PSMA3: variants seen among roughly 807,000 people sequenced by gnomAD.
PSMA3 encodes the protein proteasome 20S subunit alpha 3.
Under a neutral mutation model 40.0 loss-of-function variants are expected in PSMA3, and 8 were observed. The ratio of observed to expected loss-of-function variants is 0.20; its 90% CI spans 0.12 to 0.36. The LOEUF (loss-of-function observed/expected upper bound fraction) is 0.36, where lower values mean the gene tolerates loss of function less well. PSMA3 is among the 10% of genes least tolerant of loss of function. The pLI, the probability that PSMA3 is intolerant of heterozygous loss-of-function variation, is 1.00. For missense variants in PSMA3, 219 were observed against 310.6 expected, an observed-to-expected ratio of 0.70 and a Z score of 2.22; for synonymous variants, 110 against 100.0, an observed-to-expected ratio of 1.10 and a Z score of -0.59.
At chr14:58,271,023 C>T (rs1426942777) in intron 10 of PSMA3, 25 bp downstream of exon 10, 1 of 1,558,240 alleles carries the variant, frequency 6.4e-7, no homozygotes, top group Non-Finnish European at 8.8e-7. Flanking sequence ...AAAAACTTCT[C>T]TTGGCCAGGT....
chr14:58,267,823 T>C (rs1307689797), intron 8 of PSMA3: 1 of 205,656 alleles, frequency 4.9e-6, no homozygotes, highest in Non-Finnish European at 8.9e-6. Flanking sequence ...TCTTAAGTCC[T>C]AATAATAGTA....
Position 58,244,864 on chromosome 14 carries a change from G to A in PSMA3, c.-57G>A, listed in dbSNP as rs931998346. The A allele has an allele frequency of 8.7e-6, 14 of 1,613,740 alleles. No homozygotes were observed. The African/African-American group carries it at 1.9e-4, about 22-fold the overall frequency. On this transcript the variant is annotated 5_prime_UTR_variant, in exon 1 of 11. Transcript: ENST00000216455. ...TGTTACTAGTTTGCGGCATCCTGTGGTATAGGGGAAGCGCTCCGGGCCTGG... is the reference window on the plus strand; with the variant it reads ...TGTTACTAGTTTGCGGCATCCTGTGATATAGGGGAAGCGCTCCGGGCCTGG...
chr14:58,252,631 T>G (rs1890037887), intron 3 of PSMA3, among the ~76,000 whole-genome samples: 1 of 152,164 alleles, frequency 6.6e-6, no homozygotes, highest in Non-Finnish European at 1.5e-5. Flanking sequence ...AAAGGATGTT[T>G]AATGAAAAGG....
At chr14:58,245,165 G>A in intron 1 of PSMA3, 1 of 574,956 alleles carries the variant, frequency 1.7e-6, no homozygotes, top group South Asian at 2.2e-5. Flanking sequence ...AGGTGTAGCC[G>A]GCTTGGCGTC....
At chr14:58,253,819 C>T (rs1258823768) in intron 3 of PSMA3, among the ~76,000 whole-genome samples, 1 of 152,148 alleles carries the variant, frequency 6.6e-6, no homozygotes, top group Non-Finnish European at 1.5e-5. Context: ...GTCTCGGACT[C>T]CTGAACTCCA....
intron 2 of PSMA3, among the ~76,000 whole-genome samples, chr14:58,251,373 C>T (rs940451646): frequency 1.3e-5 from 2 of 152,184 alleles, no homozygotes; most frequent in African/African-American, 4.8e-5. Flanking sequence ...GCAGCCACCA[C>T]CTAACTGGGC....
At chr14:58,267,444 G>A in intron 7 of PSMA3, 30 bp from the exon 8 acceptor site, 2 of 1,495,232 alleles carry the variant, frequency 1.3e-6, no homozygotes, top group Non-Finnish European at 1.8e-6. Flanking sequence ...ATGTTCTTCT[G>A]ATGAACAGTA....
At chr14:58,271,226 A>C (rs1790701562) in intron 10 of PSMA3, among the ~76,000 whole-genome samples, 1 of 149,662 alleles carries the variant, frequency 6.7e-6, no homozygotes, top group South Asian at 2.1e-4. Flanking sequence ...TTTCTAGGTT[A>C]TCTCTAGTGG....
At chr14:58,262,303 G>C (rs564291635) in intron 6 of PSMA3, among the ~76,000 whole-genome samples, 7 of 152,142 alleles carry the variant, frequency 4.6e-5, no homozygotes, top group African/African-American at 1.7e-4. Context: ...CACCTCCCCA[G>C]TTCAAGCAAT....
At chr14:58,270,824 G>T in intron 9 of PSMA3, 110 bp from the exon 10 acceptor site, 1 of 947,896 alleles carries the variant, frequency 1.1e-6, no homozygotes, top group Non-Finnish European at 1.6e-6. Context: ...GTACAACTTT[G>T]CAACCTTAGG....
chr14:58,263,661 A>C (rs759955528), intron 6 of PSMA3, 44 bp from the exon 7 acceptor site: 1 of 1,440,308 alleles, frequency 6.9e-7, no homozygotes, highest in East Asian at 2.3e-5. Context: ...ATTACATATG[A>C]TAGTGTACTA....
chr14:58,262,985 CTTT>C (rs5808966), intron 6 of PSMA3, among the ~76,000 whole-genome samples: 21 of 131,606 alleles, frequency 1.6e-4, no homozygotes, highest in East Asian at 2.1e-4. Flanking sequence ...TGTGTACATC[CTTT>C]TTTTTTTTTT....
At chr14:58,266,490 C>G (rs1307750682) in intron 7 of PSMA3, 11 of 152,294 alleles carry the variant, frequency 7.2e-5, no homozygotes, top group Admixed American at 5.2e-4. Flanking sequence ...CGTCTAATAA[C>G]AAAATCTTGG....
At position 58,257,836 on chromosome 14, in the gene PSMA3, T is replaced by G; in HGVS notation, c.320T>G (p.Ile107Ser). The change falls in exon 4 of 11, where the codon ATT (isoleucine) becomes AGT (serine). Residue 107 changes from isoleucine to serine, a missense_variant. By Grantham distance (142) the Ile-to-Ser change is moderately radical. Transcript: ENST00000216455. ...SNFRSNFGYNIPLKHLADRVA... is the reference protein window; with the variant it reads ...SNFRSNFGYNSPLKHLADRVA... ...TTCAGATCTAACTTTGGCTACAACA[T>G]TCCACTAAAAGTAAGTTGATAACAT... 1 of 1,613,428 alleles carries G rather than the reference T, an allele frequency of 6.2e-7. No individual in the cohort carries two copies. The highest frequency in any genetic ancestry group is 8.5e-7 in the Non-Finnish European group (1 of 1,179,394).
intron 3 of PSMA3, among the ~76,000 whole-genome samples, chr14:58,255,543 C>T (rs1196391819): frequency 7.9e-5 from 12 of 152,116 alleles, no homozygotes; most frequent in African/African-American, 2.7e-4. Context: ...CCAAGGCGGG[C>T]GGATCACCTG....
At chr14:58,264,043 T>C (rs969248110) in intron 7 of PSMA3, among the ~76,000 whole-genome samples, 7 of 152,208 alleles carry the variant, frequency 4.6e-5, no homozygotes, top group Non-Finnish European at 8.8e-5. Context: ...TGAGAGTTTA[T>C]GAAGCTGCTA....
At chr14:58,246,270 C>T (rs934480288) in intron 1 of PSMA3, among the ~76,000 whole-genome samples, 1 of 152,208 alleles carries the variant, frequency 6.6e-6, no homozygotes, top group Non-Finnish European at 1.5e-5. Flanking sequence ...TGGGTTTTCT[C>T]CTCACCTTGC....
intron 2 of PSMA3, among the ~76,000 whole-genome samples, chr14:58,248,931 C>T (rs1237334579): frequency 1.3e-5 from 2 of 152,128 alleles, no homozygotes; most frequent in Non-Finnish European, 2.9e-5. Flanking sequence ...CCACTGCACT[C>T]CAGCCTAAGC....
chr14:58,251,101 T>TA (rs888204330), intron 2 of PSMA3, among the ~76,000 whole-genome samples: 2 of 151,776 alleles, frequency 1.3e-5, no homozygotes, highest in Middle Eastern at 3.4e-3. Flanking sequence ...TCTTTAAAAT[T>TA]AAAAAAAAGA....
Sources: allele counts gnomAD v4.1 joint callset (sites outside exome capture counted in the v4.1 genomes callset), GRCh38; gene constraint gnomAD v4.1.1; transcripts MANE v1.5; gene names NCBI Gene and HGNC (gene_info 2026-07-23, HGNC 2026-07-21).